DPP6: variants seen among roughly 807,000 people sequenced by gnomAD.
DPP6 encodes dipeptidyl peptidase like 6, also known as A-type potassium channel modulatory protein DPP6.
Under a neutral mutation model 122.6 loss-of-function variants are expected in DPP6, and 69 were observed. The ratio of observed to expected loss-of-function variants is 0.56; its 90% CI spans 0.46 to 0.69. The LOEUF (loss-of-function observed/expected upper bound fraction) is 0.69, where lower values mean the gene tolerates loss of function less well. Among genes scored for constraint, DPP6 ranks in the 30% least tolerant of loss-of-function variants. The probability of loss-of-function intolerance (pLI) is 0.00; values close to 1 mark genes in which losing one functional copy is unlikely to be tolerated. For missense variants in DPP6, 928 were observed against 1,116.9 expected (o/e 0.83, Z 2.41); for synonymous variants, 418 against 433.1 (o/e 0.97, Z 0.43).
chr7:153,882,666 G>A, upstream of DPP6, among the ~76,000 whole-genome samples: 1 of 152,228 alleles, frequency 6.6e-6, no homozygotes, highest in East Asian at 1.9e-4. Flanking sequence ...ATTGTGATAG[G>A]TGTGGACAGA....
At chr7:153,931,588 C>T (rs887918101) in intron 1 of DPP6, among the ~76,000 whole-genome samples, 1 of 152,152 alleles carries the variant, frequency 6.6e-6, no homozygotes, top group Non-Finnish European at 1.5e-5. Flanking sequence ...TATTTAAATT[C>T]ATTATTCTGT....
chr7:154,322,971 C>T (rs1808105965), intron 1 of DPP6, among the ~76,000 whole-genome samples: 4 of 151,762 alleles, frequency 2.6e-5, no homozygotes, highest in South Asian at 4.2e-4. Flanking sequence ...CCATACAAAC[C>T]GAGATGGTAT....
At chr7:154,299,108 A>G (rs1372607814) in intron 1 of DPP6, among the ~76,000 whole-genome samples, 1 of 152,218 alleles carries the variant, frequency 6.6e-6, no homozygotes, top group Non-Finnish European at 1.5e-5. Flanking sequence ...ACCAGTCTGT[A>G]AGGATCTCAC....
intron 1 of DPP6, among the ~76,000 whole-genome samples, chr7:154,024,488 T>A (rs1235874128): frequency 6.6e-6 from 1 of 152,010 alleles, no homozygotes; most frequent in African/African-American, 2.4e-5. Context: ...TTTTCAAATG[T>A]AGGAAAACCA....
At chr7:154,487,610 C>G (rs1464860422) in intron 3 of DPP6, among the ~76,000 whole-genome samples, 1 of 152,140 alleles carries the variant, frequency 6.6e-6, no homozygotes, top group Admixed American at 6.5e-5. Context: ...GCTGTTTGGC[C>G]CAAGGGTGAG....
chr7:154,772,970 A>G, intron 10 of DPP6, 28 bp downstream of exon 10: 1 of 1,371,458 alleles, frequency 7.3e-7, no homozygotes, highest in Non-Finnish European at 9.8e-7. Context: ...ATGTTACCAA[A>G]AAAAAAAAAA....
At chr7:154,836,431 T>A (rs546789443) in intron 16 of DPP6, among the ~76,000 whole-genome samples, 1 of 152,360 alleles carries the variant, frequency 6.6e-6, no homozygotes, top group East Asian at 1.9e-4. Context: ...GAACAGCTGT[T>A]CTGTCGCACT....
intron 1 of DPP6, among the ~76,000 whole-genome samples, chr7:154,395,364 T>C (rs1277183955): frequency 1.3e-5 from 2 of 152,230 alleles, no homozygotes; most frequent in East Asian, 3.9e-4. Flanking sequence ...CTTAACAACA[T>C]TAAGTCTTCC....
chr7:154,324,100 G>A (rs1808210291), intron 1 of DPP6, among the ~76,000 whole-genome samples: 1 of 152,150 alleles, frequency 6.6e-6, no homozygotes, highest in African/African-American at 2.4e-5. Context: ...ATAGTGGGTG[G>A]GGTTCGTGGA....
chr7:153,964,976 T>TTCCC (rs1356025933), intron 1 of DPP6, among the ~76,000 whole-genome samples: 8 of 101,108 alleles, frequency 7.9e-5, no homozygotes, highest in African/African-American at 3.3e-4. Context: ...TTCATTTCTT[T>TTCCC]TCCCTTCCTT....
rs527774845 is a variant in DPP6 at position 153,963,254 on chromosome 7, T to C, written c.51+75520T>C. ...TAGGGGAGTTGAGTGGCCACGCTCA[T>C]AAGGAGCTTTGCCACCCCTCGGTTT... On this transcript the variant is annotated intron_variant, in intron 1 of 25. Transcript: ENST00000404039. Among the ~76,000 whole-genome samples, 389 of 151,916 alleles carry C rather than the reference T, an allele frequency of 2.6e-3. 3 individuals carry two copies. Among genetic ancestry groups the C allele is most frequent in the African/African-American group, 9.0e-3 (375 of 41,480 alleles).
intron 1 of DPP6, among the ~76,000 whole-genome samples, chr7:153,916,230 C>T (rs1193976252): frequency 6.6e-6 from 1 of 152,056 alleles, no homozygotes; most frequent in Non-Finnish European, 1.5e-5. Context: ...ACCTTGGCCT[C>T]ACAAAGTGCT....
chr7:154,127,737 G>A (rs963828215), intron 1 of DPP6, among the ~76,000 whole-genome samples: 3 of 152,076 alleles, frequency 2.0e-5, no homozygotes, highest in Admixed American at 6.6e-5. Flanking sequence ...GTTGCCCAGC[G>A]TTGGCCAGAC....
At chr7:154,239,065 C>T (rs533664740) in intron 1 of DPP6, among the ~76,000 whole-genome samples, 4 of 152,302 alleles carry the variant, frequency 2.6e-5, no homozygotes, top group Admixed American at 6.5e-5. Flanking sequence ...CATGTGGAGG[C>T]GTAGCCAGCA....
chr7:154,890,580 C>G (rs771541175), intron 25 of DPP6: 1 of 152,218 alleles, frequency 6.6e-6, no homozygotes, highest in Non-Finnish European at 1.5e-5. Flanking sequence ...GGGCAACTCC[C>G]CAAGATATGG....
At chr7:154,799,989 T>C (rs1234409050) in intron 12 of DPP6, among the ~76,000 whole-genome samples, 2 of 152,216 alleles carry the variant, frequency 1.3e-5, no homozygotes, top group African/African-American at 4.8e-5. Flanking sequence ...AAAACAATGC[T>C]TCTGGCCAGA....
At chr7:154,226,601 C>T (rs971831255) in intron 1 of DPP6, among the ~76,000 whole-genome samples, 81 of 152,272 alleles carry the variant, frequency 5.3e-4, no homozygotes, top group African/African-American at 1.9e-3. Context: ...TTATCAAACT[C>T]CAGAATATGT....
At chr7:154,275,234 A>G (rs1261439809) in intron 1 of DPP6, among the ~76,000 whole-genome samples, 1 of 152,220 alleles carries the variant, frequency 6.6e-6, no homozygotes, top group Non-Finnish European at 1.5e-5. Context: ...GCTCTGAAGG[A>G]TGGCCTACCT....
chr7:154,130,861 A>G (rs985929120), intron 1 of DPP6, among the ~76,000 whole-genome samples: 9 of 152,162 alleles, frequency 5.9e-5, no homozygotes, highest in African/African-American at 9.7e-5. Context: ...CAAGACGCCA[A>G]AACAACTACG....
Sources: gnomAD v4.1 joint callset for allele counts (sites outside exome capture counted in the v4.1 genomes callset) on GRCh38, gnomAD v4.1.1 for gene constraint, MANE v1.5 for transcripts, NCBI Gene and HGNC (gene_info 2026-07-23, HGNC 2026-07-21) for gene names.